GON4L: variants seen among roughly 807,000 people sequenced by gnomAD.
The protein encoded by GON4L is gon-4 like, also known as GON-4-like protein.
Under a neutral mutation model 211.8 loss-of-function variants are expected in GON4L, and 87 were observed. The ratio of observed to expected loss-of-function variants is 0.41; its 90% CI spans 0.35 to 0.49. The LOEUF is 0.49. GON4L is among the 20% of genes least tolerant of loss of function. The pLI, the probability that GON4L is intolerant of heterozygous loss-of-function variation, is 0.15. For missense variants in GON4L, 2,155 were observed against 2,659.5 expected, an observed-to-expected ratio of 0.81 and a Z score of 4.17; for synonymous variants, 875 against 962.6, an observed-to-expected ratio of 0.91 and a Z score of 1.68.
intron 3 of GON4L, among the ~76,000 whole-genome samples, chr1:155,823,897 AC>A (rs1452642644): frequency 1.3e-5 from 2 of 151,424 alleles, no homozygotes; most frequent in East Asian, 3.9e-4. Flanking sequence ...ACACACACAC[AC>A]AAAAAAACCA....
At chr1:155,781,435 C>T (rs967374627) in intron 14 of GON4L, among the ~76,000 whole-genome samples, 4 of 139,372 alleles carry the variant, frequency 2.9e-5, no homozygotes, top group Non-Finnish European at 4.6e-5. Context: ...TGCCAGCCAC[C>T]ACGCCTGATC....
intron 4 of GON4L, among the ~76,000 whole-genome samples, chr1:155,821,863 A>G (rs116497655): frequency 6.6e-6 from 1 of 152,364 alleles, no homozygotes; most frequent in African/African-American, 2.4e-5. Flanking sequence ...TAACAAGAGC[A>G]AAGGCTCTGC....
intron 8 of GON4L, among the ~76,000 whole-genome samples, chr1:155,815,113 T>A (rs1299616753): frequency 6.6e-6 from 1 of 151,476 alleles, no homozygotes; most frequent in Non-Finnish European, 1.5e-5. Flanking sequence ...AAAAAAAAAA[T>A]CCTAAAGGTG....
At chr1:155,849,177 T>G (rs1345175318) in intron 2 of GON4L, among the ~76,000 whole-genome samples, 7 of 135,172 alleles carry the variant, frequency 5.2e-5, no homozygotes, top group Admixed American at 7.3e-5. Flanking sequence ...AAAAAGGGGC[T>G]GGGCACTGTG....
At chr1:155,761,842 C>T (rs1661839535) in intron 23 of GON4L, among the ~76,000 whole-genome samples, 1 of 152,142 alleles carries the variant, frequency 6.6e-6, no homozygotes, top group South Asian at 2.1e-4. Context: ...CACTTGCTGG[C>T]CAGTGTACCC....
At position 155,822,471 on chromosome 1, in the gene GON4L, G is replaced by T; in HGVS notation, c.703C>A (p.Gln235Lys). 1.2e-6 allele frequency: 2 copies of T among 1,611,406 alleles called. No homozygotes were observed. The highest frequency in any genetic ancestry group is 4.5e-5 in the East Asian group (2 of 44,866). The change falls in exon 4 of 32, where the codon CAA (glutamine) becomes AAA (lysine). Residue 235 changes from glutamine (Q) to lysine (K), a missense_variant. Coordinates refer to ENST00000368331, the MANE Select transcript of GON4L (RefSeq NM_001282860.2). ...DGGLFIPMEE[Q>K]DNEESEKRRK... is the part of the protein sequence containing the mutation. ...CTTTTCTCACTTTCTTCATTGTCTT[G>T]TTCTTCTGCAAATAAACCAAGAACA...
At chr1:155,850,595 T>TC (rs1671682091) in intron 2 of GON4L, among the ~76,000 whole-genome samples, 1 of 152,124 alleles carries the variant, frequency 6.6e-6, no homozygotes, top group Non-Finnish European at 1.5e-5. Context: ...TCTTGGGCAC[T>TC]CCATCAGTTT....
intron 15 of GON4L, among the ~76,000 whole-genome samples, chr1:155,776,729 T>G (rs1277113347): frequency 6.6e-6 from 1 of 152,014 alleles, no homozygotes; most frequent in Non-Finnish European, 1.5e-5. Flanking sequence ...TTATTTTTAT[T>G]TTTTGCAGAG....
intron 24 of GON4L, among the ~76,000 whole-genome samples, chr1:155,759,806 G>C (rs1278853754): frequency 6.6e-6 from 1 of 151,368 alleles, no homozygotes; most frequent in Non-Finnish European, 1.5e-5. Context: ...AACATTTCAC[G>C]TTACCATACC....
chr1:155,790,018 A>C (rs897119646), intron 12 of GON4L, among the ~76,000 whole-genome samples: 3 of 152,064 alleles, frequency 2.0e-5, no homozygotes, highest in Non-Finnish European at 4.4e-5. Context: ...AGCTCACTGC[A>C]ACCTTGAACT....
At chr1:155,748,050 G>A (rs1214245213), downstream of GON4L, 25 of 1,606,386 alleles carry the variant, frequency 1.6e-5, no homozygotes, top group East Asian at 2.0e-4. Flanking sequence ...CACAGCTCTC[G>A]TCTGCCCCTT....
intron 14 of GON4L, among the ~76,000 whole-genome samples, chr1:155,783,702 T>C (rs980960637): frequency 5.9e-5 from 9 of 152,212 alleles, no homozygotes; most frequent in African/African-American, 1.7e-4. Context: ...GCTGGCCACA[T>C]TGAGTCCTAC....
At chr1:155,846,934 C>T (rs929119229) in intron 2 of GON4L, among the ~76,000 whole-genome samples, 5 of 151,998 alleles carry the variant, frequency 3.3e-5, no homozygotes, top group South Asian at 4.1e-4. Context: ...TCGCTTCAAC[C>T]GAGCAGGGGC....
At chr1:155,849,521 C>T (rs1427705829) in intron 2 of GON4L, among the ~76,000 whole-genome samples, 1 of 138,616 alleles carries the variant, frequency 7.2e-6, no homozygotes, top group Non-Finnish European at 1.5e-5. Context: ...TCCAACCTGG[C>T]TGACAGAGAA....
At position 155,751,784 on chromosome 1, in the gene GON4L, T is replaced by A. The variant is rs756228213; in HGVS notation, c.6559A>T (p.Asn2187Tyr). 11 of 1,612,250 alleles carry A rather than the reference T, an allele frequency of 6.8e-6. No individual in the cohort carries two copies. Among genetic ancestry groups the A allele is most frequent in the Non-Finnish European group, 7.6e-6 (9 of 1,178,470 alleles). ...TFNIISQQLG[N>Y]KTPAEVSHRF... The stretch of plus-strand genomic sequence containing the variant: ...GCACCTACCTCAGCAGGGGTCTTAT[T>A]TCCCAGCTGCTGGGAGATGATGTTG... Residue 2187 changes from asparagine to tyrosine, a missense_variant, in exon 31 of 32, where the codon AAT (asparagine) becomes TAT (tyrosine). By Grantham distance (143) the Asn-to-Tyr change is moderately radical. Transcript: ENST00000368331.
intron 6 of GON4L, among the ~76,000 whole-genome samples, chr1:155,818,014 GCC>G: frequency 6.6e-6 from 1 of 151,812 alleles, no homozygotes; most frequent in Non-Finnish European, 1.5e-5. Context: ...GTCTTGGATG[GCC>G]CAACTTCTCC....
chr1:155,829,134 C>A (rs1269773883), intron 2 of GON4L, among the ~76,000 whole-genome samples: 1 of 152,170 alleles, frequency 6.6e-6, no homozygotes, highest in Non-Finnish European at 1.5e-5. Flanking sequence ...TCCATCACAC[C>A]ATCCAGCTAA....
intron 2 of GON4L, among the ~76,000 whole-genome samples, chr1:155,828,951 A>C (rs1468067512): frequency 1.3e-5 from 2 of 152,144 alleles, no homozygotes; most frequent in Non-Finnish European, 1.5e-5. Flanking sequence ...GCAAGAGTAC[A>C]AAGTGAAAGG....
intron 5 of GON4L, 31 bp downstream of exon 5, chr1:155,821,443 G>A (rs758044577): frequency 2.2e-5 from 29 of 1,342,230 alleles, no homozygotes; most frequent in South Asian, 3.5e-5. Flanking sequence ...TCTGTTCCAA[G>A]ACATTAAAAG....
Sources: allele counts gnomAD v4.1 joint callset (sites outside exome capture counted in the v4.1 genomes callset), GRCh38; gene constraint gnomAD v4.1.1; transcripts MANE v1.5; gene names NCBI Gene and HGNC (gene_info 2026-07-23, HGNC 2026-07-21).